The following ALPK1 variants were observed in gnomAD, a reference collection of about 807,000 sequenced individuals.
ALPK1 encodes the protein alpha-protein kinase 1.
In ALPK1, 110 loss-of-function variants were observed where a neutral mutation model predicts 120.6. The observed-to-expected ratio is 0.91, with a 90% CI of 0.78 to 1.07. The LOEUF is 1.07. ALPK1 is among the 50% of genes least tolerant of loss of function. The pLI, the probability that ALPK1 is intolerant of heterozygous loss-of-function variation, is 0.00. For synonymous variants in ALPK1, 582 were observed against 560.3 expected, an observed-to-expected ratio of 1.04 and a Z score of -0.55; for missense variants, 1,498 against 1,483.9, an observed-to-expected ratio of 1.01 and a Z score of -0.16.
intron 1 of ALPK1, among the ~76,000 whole-genome samples, chr4:112,307,881 G>C (rs1279648272): frequency 3.3e-5 from 5 of 152,102 alleles, no homozygotes; most frequent in Non-Finnish European, 2.9e-5. Flanking sequence ...TGCAGTGGCT[G>C]GTACTGGTTT....
intron 12 of ALPK1, among the ~76,000 whole-genome samples, chr4:112,437,128 A>C (rs1291227844): frequency 6.6e-6 from 1 of 152,144 alleles, no homozygotes; most frequent in Non-Finnish European, 1.5e-5. Context: ...ACTAAGGACA[A>C]AGAAACCATT....
In ALPK1 at chr4:112,426,510, A is replaced by G; in HGVS notation, c.666A>G (p.Val222=). The G allele has an allele frequency of 6.3e-7, 1 of 1,590,452 alleles. No homozygotes were observed. Among genetic ancestry groups the G allele is most frequent in the East Asian group, 2.3e-5 (1 of 43,532 alleles). ...EAAELIWASI[V]GYLALPQPDK... is the part of the protein sequence containing the mutation. ...CAGAGTTAATATGGGCCTCCATTGT[A>G]GGATATTTGGCACTTCCTCAGCCGG... The change falls in exon 8 of 16, where the codon GTA becomes GTG. Residue 222 remains valine, a synonymous_variant. Coordinates refer to ENST00000650871, the MANE Select transcript of ALPK1 (RefSeq NM_025144.4).
intron 1 of ALPK1, among the ~76,000 whole-genome samples, chr4:112,302,849 G>T (rs1329129403): frequency 3.9e-5 from 6 of 151,968 alleles, no homozygotes; most frequent in Non-Finnish European, 7.4e-5. Context: ...TCTACTCCTC[G>T]GCTCCATTTC....
intron 4 of ALPK1, among the ~76,000 whole-genome samples, chr4:112,407,937 C>CATGTGACCTTGGCATA (rs1733264128): frequency 6.6e-6 from 1 of 151,972 alleles, no homozygotes; most frequent in Non-Finnish European, 1.5e-5. Flanking sequence ...GAAACCCCGT[C>CATGTGACCTTGGCATA]TCTACTAAAA....
At chr4:112,384,645 G>A (rs1560664186) in intron 4 of ALPK1, 1 of 152,148 alleles carries the variant, frequency 6.6e-6, no homozygotes, top group Non-Finnish European at 1.5e-5. Flanking sequence ...CTGGGGGTGG[G>A]AGTCCAGCAA....
In ALPK1 at chr4:112,427,626, C is replaced by A. The variant is rs777786049; in HGVS notation, c.756C>A (p.Asn252Lys). 6.2e-7 allele frequency: 1 copy of A among 1,613,890 alleles called. No individual in the cohort carries two copies. The highest frequency in any genetic ancestry group is 1.1e-5 in the South Asian group (1 of 91,070). The change falls in exon 9 of 16, where the codon AAC becomes AAA. Residue 252 changes from asparagine to lysine, a missense_variant. Asn to Lys is a moderately conservative substitution (Grantham distance 94). Transcript: ENST00000650871. Reference protein sequence around the residue: ...LADIFVSMSKNDYEKFKNNPQ... With the variant: ...LADIFVSMSKKDYEKFKNNPQ... ...ACATCTTTGTTTCCATGAGCAAGAA[C>A]GATTATGAAAAGTTTAAAAACAATC...
chr4:112,379,451 C>T (rs1297594043), intron 3 of ALPK1, among the ~76,000 whole-genome samples: 1 of 152,240 alleles, frequency 6.6e-6, no homozygotes, highest in South Asian at 2.1e-4. Context: ...TAAGCGGAGC[C>T]ATTGGCAGCC....
chr4:112,319,180 G>C (rs1325259479), intron 2 of ALPK1, among the ~76,000 whole-genome samples: 1 of 152,194 alleles, frequency 6.6e-6, no homozygotes, highest in African/African-American at 2.4e-5. Context: ...CAGGCAGCAA[G>C]AAGAGAGACT....
intron 4 of ALPK1, among the ~76,000 whole-genome samples, chr4:112,388,623 C>CAAAAAAAAAAA (rs11409574): frequency 7.8e-6 from 1 of 128,644 alleles, no homozygotes. Flanking sequence ...CATCAAGTTG[C>CAAAAAAAAAAA]AAAAAAAAAA....
intron 2 of ALPK1, among the ~76,000 whole-genome samples, chr4:112,375,489 T>A (rs1560659645): frequency 6.6e-6 from 1 of 152,236 alleles, no homozygotes; most frequent in Non-Finnish European, 1.5e-5. Context: ...GTTATGGAGA[T>A]GGCTTCTTTC....
chr4:112,331,911 T>A (rs1298803721), intron 2 of ALPK1, among the ~76,000 whole-genome samples: 2 of 152,252 alleles, frequency 1.3e-5, no homozygotes, highest in Non-Finnish European at 2.9e-5. Context: ...TTGGGTCTCA[T>A]ACATAATCAG....
chr4:112,410,353 C>T (rs1733395320), intron 4 of ALPK1, among the ~76,000 whole-genome samples: 1 of 152,194 alleles, frequency 6.6e-6, no homozygotes, highest in African/African-American at 2.4e-5. Context: ...CACCTCTCTG[C>T]ATCTCAGGTT....
rs1034011213 is a variant in ALPK1, at chr4:112,324,979, G to T, written c.-101+9127G>T. 5.7e-5 allele frequency among the ~76,000 whole-genome samples: 8 copies of T among 140,742 alleles called. 1 individual carries two copies. The highest frequency in any genetic ancestry group is 6.2e-5 in the Non-Finnish European group (4 of 64,462). 92.3% of individuals were successfully genotyped at this position (140,742 alleles called of 152,430 possible). A position where few individuals can be genotyped will look rare whatever the true frequency, so the allele number is the denominator to read the frequency against. On this transcript the variant is annotated intron_variant, in intron 2 of 15. Transcript: ENST00000650871. ...TCACTGAGGAACCAAAAAAAAGGGGGGGGGGGGCAAATAGAGTGAATCCCT... is the reference window on the plus strand; with the variant it reads ...TCACTGAGGAACCAAAAAAAAGGGGTGGGGGGGCAAATAGAGTGAATCCCT...
intron 1 of ALPK1, among the ~76,000 whole-genome samples, chr4:112,304,697 G>A (rs952441721): frequency 1.3e-5 from 2 of 152,020 alleles, no homozygotes; most frequent in African/African-American, 4.8e-5. Flanking sequence ...CCATTCTGTA[G>A]GTTGCCTGTT....
At position 112,425,771 on chromosome 4, in the gene ALPK1, G is replaced by A. The variant is rs1354909744; in HGVS notation, c.622+20G>A. 4.4e-6 allele frequency: 7 copies of A among 1,596,752 alleles called. No homozygotes were observed. The highest frequency in any genetic ancestry group is 2.2e-5 in the East Asian group (1 of 44,600). ...AGCTGGGTACAATCATGTAAAACTT[G>A]CATTTCTCAAGGCTCATTTACAAAG... On this transcript the variant is annotated intron_variant, in intron 7 of 15. Coordinates refer to ENST00000650871, the MANE Select transcript of ALPK1 (RefSeq NM_025144.4).
chr4:112,359,772 T>C, intron 2 of ALPK1: 1 of 421,266 alleles, frequency 2.4e-6, no homozygotes, highest in Non-Finnish European at 4.7e-6. Flanking sequence ...GCACACTGCC[T>C]CCAGGAAGCA....
chr4:112,375,314 G>C (rs746215997), intron 2 of ALPK1, among the ~76,000 whole-genome samples: 24 of 151,920 alleles, frequency 1.6e-4, no homozygotes, highest in Admixed American at 7.9e-4. Flanking sequence ...TGAGTAACTA[G>C]GACCACAGGT....
intron 2 of ALPK1, among the ~76,000 whole-genome samples, chr4:112,332,704 G>T (rs1214902327): frequency 1.3e-5 from 2 of 152,110 alleles, no homozygotes; most frequent in African/African-American, 4.8e-5. Context: ...TGAATGCTTG[G>T]ACCCAGAATG....
intron 2 of ALPK1, chr4:112,356,444 C>A: frequency 1.1e-6 from 1 of 944,180 alleles, no homozygotes; most frequent in South Asian, 1.3e-5. Context: ...GCTACACGGA[C>A]ATCCCAAAGA....
Sources: gnomAD v4.1 joint callset for allele counts (sites outside exome capture counted in the v4.1 genomes callset) on GRCh38, gnomAD v4.1.1 for gene constraint, MANE v1.5 for transcripts, NCBI Gene and HGNC (gene_info 2026-07-23, HGNC 2026-07-21) for gene names.